CADM2: variants seen among roughly 807,000 people sequenced by gnomAD.
The protein encoded by CADM2 is immunoglobulin superfamily member 4D.
In CADM2, 12 loss-of-function variants were observed where a neutral mutation model predicts 49.8. That is an observed-to-expected ratio of 0.24 (90% CI 0.15 to 0.39). The LOEUF (loss-of-function observed/expected upper bound fraction) is 0.39, where lower values mean the gene tolerates loss of function less well. CADM2 is among the 10% of genes least tolerant of loss of function. The probability of loss-of-function intolerance (pLI) is 1.00; values close to 1 mark genes in which losing one functional copy is unlikely to be tolerated. For missense variants in CADM2, 378 were observed against 492.3 expected, an observed-to-expected ratio of 0.77 and a Z score of 2.20; for synonymous variants, 214 against 175.4, an observed-to-expected ratio of 1.22 and a Z score of -1.74.
At chr3:86,026,454 G>A (rs1733917528) in intron 8 of CADM2, among the ~76,000 whole-genome samples, 1 of 151,952 alleles carries the variant, frequency 6.6e-6, no homozygotes, top group African/African-American at 2.4e-5. Context: ...TGTAGCATTG[G>A]TAGATGAAAC....
intron 1 of CADM2, among the ~76,000 whole-genome samples, chr3:85,234,774 A>T (rs1347004298): frequency 1.3e-5 from 2 of 152,184 alleles, no homozygotes; most frequent in African/African-American, 2.4e-5. Flanking sequence ...TCTCCAGAGT[A>T]GTAGTAGTTT....
intron 6 of CADM2, among the ~76,000 whole-genome samples, chr3:85,922,606 T>C (rs1370169216): frequency 6.6e-6 from 1 of 152,080 alleles, no homozygotes; most frequent in Non-Finnish European, 1.5e-5. Flanking sequence ...TTGTAAATAA[T>C]GAGTCAAGCT....
chr3:85,635,395 A>G (rs1027174416), intron 1 of CADM2, among the ~76,000 whole-genome samples: 1 of 152,134 alleles, frequency 6.6e-6, no homozygotes, highest in Non-Finnish European at 1.5e-5. Flanking sequence ...AATTAAGTGA[A>G]TATGTTCAAA....
intron 2 of CADM2, among the ~76,000 whole-genome samples, chr3:85,765,163 A>C (rs542121854): frequency 1.3e-3 from 192 of 152,224 alleles, no homozygotes; most frequent in Non-Finnish European, 2.2e-3. Flanking sequence ...GCTTCAGTGA[A>C]TATGAAATGT....
chr3:85,015,085 T>C (rs914328406), intron 1 of CADM2, among the ~76,000 whole-genome samples: 6 of 152,096 alleles, frequency 3.9e-5, no homozygotes, highest in Non-Finnish European at 8.8e-5. Flanking sequence ...GTGCCGTACA[T>C]AGTATACATA....
intron 1 of CADM2, among the ~76,000 whole-genome samples, chr3:84,970,665 AG>A (rs2031367374): frequency 6.6e-6 from 1 of 152,086 alleles, no homozygotes; most frequent in Non-Finnish European, 1.5e-5. Context: ...TGTCAAATGA[AG>A]ATAAACTAGC....
chr3:86,009,279 A>G (rs189900656), intron 8 of CADM2, among the ~76,000 whole-genome samples: 283 of 149,936 alleles, frequency 1.9e-3, no homozygotes, highest in African/African-American at 6.1e-3. Context: ...GCAAAATGGT[A>G]TATACGTACC....
chr3:85,396,624 CAT>C (rs1381332361), intron 1 of CADM2, among the ~76,000 whole-genome samples: 2 of 151,940 alleles, frequency 1.3e-5, no homozygotes, highest in Non-Finnish European at 2.9e-5. Context: ...AGACTTTAAA[CAT>C]GTCTTTGATA....
chr3:85,444,994 GTAT>G (rs2107551672), intron 1 of CADM2, among the ~76,000 whole-genome samples: 1 of 152,150 alleles, frequency 6.6e-6, no homozygotes, highest in South Asian at 2.1e-4. Flanking sequence ...TATATTATCA[GTAT>G]TATTAGCCTC....
chr3:85,254,930 T>C (rs2042851162), intron 1 of CADM2, among the ~76,000 whole-genome samples: 1 of 152,122 alleles, frequency 6.6e-6, no homozygotes, highest in African/African-American at 2.4e-5. Context: ...CAATGCTTAA[T>C]ATTATCCCTG....
intron 8 of CADM2, among the ~76,000 whole-genome samples, chr3:85,999,266 A>AAGG (rs1553720508): frequency 6.7e-5 from 7 of 104,318 alleles, no homozygotes; most frequent in African/African-American, 1.7e-4. Context: ...TGGGAGGCCG[A>AAGG]GGGTTGGGGG....
At chr3:85,562,518 T>C (rs2062126763) in intron 1 of CADM2, among the ~76,000 whole-genome samples, 1 of 147,674 alleles carries the variant, frequency 6.8e-6, no homozygotes, top group African/African-American at 2.5e-5. Context: ...CTAGTTCTAA[T>C]GAGAAGACAT....
intron 2 of CADM2, among the ~76,000 whole-genome samples, chr3:85,792,218 A>G (rs1346811217): frequency 3.3e-5 from 5 of 152,218 alleles, no homozygotes; most frequent in Non-Finnish European, 7.3e-5. Flanking sequence ...TCAGGTGTCT[A>G]TGTCTCTGTT....
At chr3:84,987,422 G>C (rs1196717177) in intron 1 of CADM2, among the ~76,000 whole-genome samples, 1 of 152,100 alleles carries the variant, frequency 6.6e-6, no homozygotes, top group African/African-American at 2.4e-5. Context: ...CTAAAGTTCA[G>C]CTCCAATTCT....
At chr3:85,380,186 G>A (rs888308837) in intron 1 of CADM2, among the ~76,000 whole-genome samples, 1 of 151,794 alleles carries the variant, frequency 6.6e-6, no homozygotes, top group African/African-American at 2.4e-5. Context: ...AATATTTCCT[G>A]AAACCCACAA....
intron 1 of CADM2, among the ~76,000 whole-genome samples, chr3:85,014,611 A>G (rs556925664): frequency 6.6e-6 from 1 of 152,092 alleles, no homozygotes; most frequent in Non-Finnish European, 1.5e-5. Flanking sequence ...ACAGTTTTTG[A>G]GGATTAGGGA....
At chr3:85,576,607 CT>C (rs1201058256) in intron 1 of CADM2, among the ~76,000 whole-genome samples, 2 of 152,012 alleles carry the variant, frequency 1.3e-5, no homozygotes, top group African/African-American at 4.8e-5. Context: ...GTGTTGTTTC[CT>C]TTTATAAAAT....
chr3:85,879,644 C>T (rs1712440308), intron 3 of CADM2, among the ~76,000 whole-genome samples: 1 of 152,090 alleles, frequency 6.6e-6, no homozygotes, highest in Non-Finnish European at 1.5e-5. Flanking sequence ...CCTACTCCAT[C>T]AAATGTGCAT....
At chr3:85,377,631 CTGCTTTAAAACAGTTTAT>C (rs559192681) in intron 1 of CADM2, among the ~76,000 whole-genome samples, 2 of 152,142 alleles carry the variant, frequency 1.3e-5, no homozygotes, top group East Asian at 3.9e-4. Flanking sequence ...TATCTCATTT[CTGCTTTAAAACAGTTTAT>C]TGCATTAGGG....
Sources: allele counts gnomAD v4.1 joint callset (sites outside exome capture counted in the v4.1 genomes callset), GRCh38; gene constraint gnomAD v4.1.1; transcripts MANE v1.5; gene names NCBI Gene and HGNC (gene_info 2026-07-23, HGNC 2026-07-21).